The following SYNE2 variants were observed in gnomAD, a reference collection of about 807,000 sequenced individuals.
The protein encoded by SYNE2 is spectrin repeat containing nuclear envelope protein 2.
Under a neutral mutation model 856.3 loss-of-function variants are expected in SYNE2, and 431 were observed. That is an observed-to-expected ratio of 0.50 (90% CI 0.47 to 0.55). SYNE2 has a LOEUF of 0.55. SYNE2 is among the 20% of genes least tolerant of loss of function. SYNE2 has a pLI of 0.00. For synonymous variants in SYNE2, 2,923 were observed against 2,872.3 expected (o/e 1.02, Z -0.56); for missense variants, 8,129 against 8,023.2 (o/e 1.01, Z -0.50).
chr14:64,212,998 G>A lies in SYNE2; in HGVS notation c.19049G>A (p.Cys6350Tyr). The stretch of plus-strand genomic sequence containing the variant: ...CGGTTCCACCGGCGGCTCACCTCCT[G>A]CACTCCGGTACGGGCACTGCTGCCT... The part of the protein sequence containing the change: ...VSRFHRRLTS[C>Y]TPGLEDEKEA... Residue 6350 changes from cysteine (C) to tyrosine (Y), a missense_variant, in exon 105 of 116, where the codon TGC (cysteine) becomes TAC (tyrosine). By Grantham distance (194) the Cys-to-Tyr change is radical. This residue lies in a region of SYNE2 where 5,410 missense variants were observed against 5,284.8 expected (regional missense o/e 1.02). Transcript: ENST00000555002. The A allele has an allele frequency of 6.2e-7, 1 of 1,613,304 alleles. No individual in the cohort carries two copies. Among genetic ancestry groups the A allele is most frequent in the African/African-American group, 1.3e-5 (1 of 75,018 alleles).
intron 94 of SYNE2, among the ~76,000 whole-genome samples, chr14:64,171,983 T>C (rs1252169414): frequency 6.6e-6 from 1 of 152,190 alleles, no homozygotes; most frequent in Non-Finnish European, 1.5e-5. Flanking sequence ...CCCAAGTAGC[T>C]GGGATTACAG....
chr14:63,774,389 A>G (rs1225109941), intron 1 of SYNE2, among the ~76,000 whole-genome samples: 1 of 150,828 alleles, frequency 6.6e-6, no homozygotes, highest in Non-Finnish European at 1.5e-5. Context: ...GAATTGCTTG[A>G]ACCCGGGAGG....
intron 1 of SYNE2, chr14:63,762,296 G>A (rs753000301): frequency 1.6e-5 from 3 of 186,324 alleles, no homozygotes; most frequent in African/African-American, 2.4e-5. Context: ...TTAGCCGGGC[G>A]TGGTGGTACA....
intron 45 of SYNE2, among the ~76,000 whole-genome samples, chr14:64,039,446 G>A (rs1362490256): frequency 6.6e-6 from 1 of 152,202 alleles, no homozygotes; most frequent in Non-Finnish European, 1.5e-5. Context: ...GTCAGGGGAT[G>A]TAAAGATCAA....
At chr14:64,195,551 A>G (rs1307902376) in intron 99 of SYNE2, among the ~76,000 whole-genome samples, 1 of 152,248 alleles carries the variant, frequency 6.6e-6, no homozygotes, top group Non-Finnish European at 1.5e-5. Context: ...TAAACCAAGC[A>G]TAACTTCTAA....
At chr14:63,911,428 G>C (rs1268634931) in intron 2 of SYNE2, among the ~76,000 whole-genome samples, 1 of 152,128 alleles carries the variant, frequency 6.6e-6, no homozygotes, top group Non-Finnish European at 1.5e-5. Context: ...CCCCACAGCA[G>C]GGGACATTTT....
chr14:64,152,078 G>A (rs1208504295), intron 84 of SYNE2, among the ~76,000 whole-genome samples: 1 of 152,068 alleles, frequency 6.6e-6, no homozygotes, highest in Non-Finnish European at 1.5e-5. Flanking sequence ...AAACTAAGAG[G>A]TAGAAAATGA....
intron 13 of SYNE2, 61 bp downstream of exon 13, chr14:63,978,078 C>G: frequency 9.6e-7 from 1 of 1,037,328 alleles, no homozygotes; most frequent in Non-Finnish European, 1.5e-6. Flanking sequence ...ACAACTGATA[C>G]TACAGGGACC....
intron 50 of SYNE2, among the ~76,000 whole-genome samples, chr14:64,063,374 G>A (rs1035207219): frequency 2.0e-5 from 3 of 152,190 alleles, no homozygotes; most frequent in African/African-American, 7.2e-5. Context: ...AGCTTAAAAA[G>A]CCAGAAGGAA....
At chr14:64,149,117 G>A (rs1488827392) in intron 84 of SYNE2, among the ~76,000 whole-genome samples, 1 of 151,114 alleles carries the variant, frequency 6.6e-6, no homozygotes, top group African/African-American at 2.4e-5. Context: ...AAACCAGCCA[G>A]GGCAACATAA....
At chr14:63,998,535 G>A (rs2153499285) in intron 26 of SYNE2, among the ~76,000 whole-genome samples, 1 of 151,898 alleles carries the variant, frequency 6.6e-6, no homozygotes, top group African/African-American at 2.4e-5. Context: ...TTATTTTTTT[G>A]TTTGTTTTTT....
At chr14:64,149,434 G>A (rs1438245238) in intron 84 of SYNE2, among the ~76,000 whole-genome samples, 1 of 148,522 alleles carries the variant, frequency 6.7e-6, no homozygotes. Context: ...GAAAAGTTAA[G>A]GACTGGAGTT....
chr14:63,859,275 G>A (rs1038612627), intron 1 of SYNE2, among the ~76,000 whole-genome samples: 2 of 152,166 alleles, frequency 1.3e-5, no homozygotes, highest in Non-Finnish European at 2.9e-5. Context: ...TGAACCAGCT[G>A]TTGGTTTCAT....
intron 47 of SYNE2, among the ~76,000 whole-genome samples, chr14:64,050,893 C>T (rs139311872): frequency 3.0e-4 from 45 of 151,928 alleles, no homozygotes; most frequent in African/African-American, 6.5e-4. Context: ...TCATGGCATA[C>T]GTCTGTTATT....
chr14:63,965,775 G>C (rs2096382718), intron 10 of SYNE2, among the ~76,000 whole-genome samples: 1 of 152,218 alleles, frequency 6.6e-6, no homozygotes, highest in African/African-American at 2.4e-5. Flanking sequence ...AAGCATCAGG[G>C]AAGGAAGGGA....
At chr14:64,186,675 C>CG in intron 97 of SYNE2, 96 bp downstream of exon 97, 1 of 1,555,990 alleles carries the variant, frequency 6.4e-7, no homozygotes, top group African/African-American at 1.4e-5. Context: ...TTCATTGAAC[C>CG]GGAGGCCCTT....
At chr14:63,985,146 G>A (rs1405374037) in intron 18 of SYNE2, among the ~76,000 whole-genome samples, 10 of 152,078 alleles carry the variant, frequency 6.6e-5, no homozygotes, top group African/African-American at 1.2e-4. Flanking sequence ...CCTGGCCAAC[G>A]TGGTGAAACC....
chr14:64,225,568 C>G lies in SYNE2; in HGVS notation c.*42C>G, dbSNP rs779451081. On this transcript the variant is annotated 3_prime_UTR_variant, in exon 116 of 116. Coordinates refer to ENST00000555002, the MANE Select transcript of SYNE2 (RefSeq NM_182914.3). The stretch of plus-strand genomic sequence containing the variant: ...CAGTGCTACACCACCTGCCTGATTG[C>G]CAAGGGTGCCCAGCACGTGGCCCCA... The G allele has an allele frequency of 5.0e-6, 8 of 1,599,078 alleles. No individual in the cohort carries two copies. The Admixed American group carries it at 1.4e-4, about 27-fold the overall frequency.
chr14:64,132,119 G>A (rs2098028164), intron 76 of SYNE2, 146 bp from the exon 77 acceptor site: 2 of 875,510 alleles, frequency 2.3e-6, no homozygotes, highest in Non-Finnish European at 3.5e-6. Flanking sequence ...TTGCCATCTT[G>A]GCCAGGCTGG....
Sources: gnomAD v4.1 joint callset for allele counts (sites outside exome capture counted in the v4.1 genomes callset) on GRCh38, gnomAD v4.1.1 for gene constraint, gnomAD v4.1.1 regional missense constraint, MANE v1.5 for transcripts, NCBI Gene and HGNC (gene_info 2026-07-23, HGNC 2026-07-21) for gene names.